ATRNL1: variants seen among roughly 807,000 people sequenced by gnomAD.
The protein encoded by ATRNL1 is attractin like 1.
Under a neutral mutation model 182.7 loss-of-function variants are expected in ATRNL1, and 95 were observed. The observed-to-expected ratio is 0.52, with a 90% confidence interval of 0.44 to 0.62. The LOEUF is 0.62. Ranked by LOEUF, ATRNL1 falls within the 20% of genes least tolerant of loss-of-function variation. The pLI, the probability that ATRNL1 is intolerant of heterozygous loss-of-function variation, is 0.00. For synonymous variants in ATRNL1, 576 were observed against 568.3 expected, an observed-to-expected ratio of 1.01 and a Z score of -0.19; for missense variants, 1,471 against 1,679.5, an observed-to-expected ratio of 0.88 and a Z score of 2.17.
chr10:115,767,659 G>A (rs1460157793), intron 27 of ATRNL1, among the ~76,000 whole-genome samples: 4 of 152,044 alleles, frequency 2.6e-5, no homozygotes, highest in African/African-American at 9.7e-5. Flanking sequence ...TTCTTCACCT[G>A]TTCCTTTACC....
chr10:115,424,476 G>A (rs1468165176), intron 20 of ATRNL1, among the ~76,000 whole-genome samples: 1 of 152,106 alleles, frequency 6.6e-6, no homozygotes, highest in Non-Finnish European at 1.5e-5. Context: ...AGATACATCT[G>A]TACTCTTACT....
intron 24 of ATRNL1, among the ~76,000 whole-genome samples, chr10:115,472,525 A>G (rs1475107604): frequency 2.0e-5 from 3 of 150,924 alleles, no homozygotes; most frequent in Non-Finnish European, 4.5e-5. Context: ...TCTTTCATCA[A>G]TGCTTTATAA....
At chr10:115,338,062 A>T (rs1009904616) in intron 19 of ATRNL1, among the ~76,000 whole-genome samples, 2 of 151,902 alleles carry the variant, frequency 1.3e-5, no homozygotes, top group South Asian at 2.1e-4. Flanking sequence ...TCACCCGCTG[A>T]TCACCTTCTG....
At chr10:115,927,759 G>A (rs1555120658) in intron 28 of ATRNL1, among the ~76,000 whole-genome samples, 1 of 152,046 alleles carries the variant, frequency 6.6e-6, no homozygotes, top group East Asian at 1.9e-4. Flanking sequence ...TCAGTGCACA[G>A]TGTAGGTGTT....
At chr10:115,656,565 A>G (rs2420099) in intron 26 of ATRNL1, among the ~76,000 whole-genome samples, 147,658 of 152,280 alleles carry the variant, frequency 0.97, 71,785 homozygotes, top group East Asian at 1. Context: ...TTGCTGCCCC[A>G]AGGTGGATAG....
chr10:115,687,223 C>A (rs1385091197), intron 26 of ATRNL1, among the ~76,000 whole-genome samples: 2 of 152,060 alleles, frequency 1.3e-5, no homozygotes, highest in Non-Finnish European at 2.9e-5. Flanking sequence ...ACTTGTTCAT[C>A]TTGCTTAACT....
intron 27 of ATRNL1, among the ~76,000 whole-genome samples, chr10:115,737,514 G>A (rs1445906381): frequency 1.3e-5 from 2 of 151,818 alleles, no homozygotes; most frequent in African/African-American, 4.8e-5. Context: ...ACTATCTGTA[G>A]TTGTCTCCTC....
chr10:115,891,491 T>C (rs115111991), intron 28 of ATRNL1, among the ~76,000 whole-genome samples: 1,819 of 152,310 alleles, frequency 0.012, 29 homozygotes, highest in African/African-American at 0.04. Flanking sequence ...TAGCAAATTA[T>C]ATTGTGCATA....
At position 115,149,268 on chromosome 10, in the gene ATRNL1, C is replaced by G. The variant is rs552091802; in HGVS notation, c.830-10772C>G. Among the ~76,000 whole-genome samples, 5 of 152,214 alleles carry G rather than the reference C, an allele frequency of 3.3e-5. No homozygotes were observed. The South Asian group carries it at 8.3e-4, about 25-fold the overall frequency. ...TGAATATACCTGGCTTCCAGGTATCCCTTTTCTGTTGGCACAGCTTCCAGC... is the reference window on the plus strand; with the variant it reads ...TGAATATACCTGGCTTCCAGGTATCGCTTTTCTGTTGGCACAGCTTCCAGC... On this transcript the variant is annotated intron_variant, in intron 5 of 28. Coordinates refer to ENST00000355044, the MANE Select transcript of ATRNL1 (RefSeq NM_207303.4).
At chr10:115,785,547 A>T (rs533350722) in intron 27 of ATRNL1, among the ~76,000 whole-genome samples, 1 of 152,246 alleles carries the variant, frequency 6.6e-6, no homozygotes, top group African/African-American at 2.4e-5. Flanking sequence ...GGCCCTCCAC[A>T]GATCTTTTCT....
chr10:115,391,941 T>C (rs1487355444), intron 19 of ATRNL1, among the ~76,000 whole-genome samples: 4 of 152,178 alleles, frequency 2.6e-5, no homozygotes, highest in African/African-American at 9.7e-5. Context: ...TAATGGCAAG[T>C]TAAATATTAT....
intron 15 of ATRNL1, among the ~76,000 whole-genome samples, chr10:115,287,764 C>T (rs1201359518): frequency 5.9e-5 from 9 of 151,998 alleles, no homozygotes; most frequent in Admixed American, 3.9e-4. Context: ...TTATTGTTAA[C>T]AATAGTCATC....
At chr10:115,175,682 C>T (rs1012124951) in intron 8 of ATRNL1, among the ~76,000 whole-genome samples, 1 of 151,926 alleles carries the variant, frequency 6.6e-6, no homozygotes, top group Non-Finnish European at 1.5e-5. Flanking sequence ...CAAAGCAAAA[C>T]CCAACAAATT....
intron 8 of ATRNL1, among the ~76,000 whole-genome samples, chr10:115,215,389 T>A (rs147868330): frequency 1.1e-4 from 16 of 152,286 alleles, no homozygotes; most frequent in Admixed American, 1.0e-3. Context: ...GTTAAAAATT[T>A]TTTTCAGAGC....
chr10:115,410,611 A>C (rs1554959679), intron 20 of ATRNL1, among the ~76,000 whole-genome samples: 2 of 151,334 alleles, frequency 1.3e-5, no homozygotes, highest in African/African-American at 4.9e-5. Context: ...GAGCCACCGC[A>C]CCTGGCCTCT....
At chr10:115,603,978 T>C (rs369065328) in intron 26 of ATRNL1, among the ~76,000 whole-genome samples, 280 of 152,310 alleles carry the variant, frequency 1.8e-3, no homozygotes, top group African/African-American at 6.2e-3. Context: ...TTTTCATCTT[T>C]GTCTAGTTTC....
At chr10:115,244,811 CAA>C (rs1850561389) in intron 10 of ATRNL1, among the ~76,000 whole-genome samples, 1 of 152,042 alleles carries the variant, frequency 6.6e-6, no homozygotes, top group South Asian at 2.1e-4. Flanking sequence ...AATTCTGAAA[CAA>C]GATGCAAAAC....
At chr10:115,143,946 A>G (rs1845858219) in intron 5 of ATRNL1, among the ~76,000 whole-genome samples, 1 of 151,668 alleles carries the variant, frequency 6.6e-6, no homozygotes, top group Admixed American at 6.6e-5. Context: ...GAAGGGACAC[A>G]GGCATTCAGT....
intron 27 of ATRNL1, among the ~76,000 whole-genome samples, chr10:115,817,540 CAGA>C (rs1406115489): frequency 6.6e-6 from 1 of 152,016 alleles, no homozygotes; most frequent in Non-Finnish European, 1.5e-5. Flanking sequence ...ACATATATGA[CAGA>C]AGGACATGAA....
Sources: gnomAD v4.1 joint callset for allele counts (sites outside exome capture counted in the v4.1 genomes callset) on GRCh38, gnomAD v4.1.1 for gene constraint, MANE v1.5 for transcripts, NCBI Gene and HGNC (gene_info 2026-07-23, HGNC 2026-07-21) for gene names.